Variants in MAP2K2 observed in about 807,000 individuals in gnomAD.
MAP2K2 encodes the protein mitogen-activated protein kinase kinase 2.
Under a neutral mutation model 43.7 loss-of-function variants are expected in MAP2K2, and 24 were observed. The observed-to-expected ratio is 0.55, with a 90% CI of 0.40 to 0.77. The LOEUF is 0.77. MAP2K2 is among the 30% of genes least tolerant of loss of function. The pLI is 0.00. For missense variants in MAP2K2, 470 were observed against 566.8 expected, an observed-to-expected ratio of 0.83 and a Z score of 1.73; for synonymous variants, 244 against 239.7, an observed-to-expected ratio of 1.02 and a Z score of -0.17.
chr19:4,118,242 G>C (rs2041251275), intron 1 of MAP2K2, among the ~76,000 whole-genome samples: 1 of 152,152 alleles, frequency 6.6e-6, no homozygotes, highest in Non-Finnish European at 1.5e-5. Flanking sequence ...GCGGCCGGGA[G>C]ACCTCCTTCC....
intron 3 of MAP2K2, among the ~76,000 whole-genome samples, chr19:4,108,272 G>A (rs895203370): frequency 3.3e-5 from 5 of 152,132 alleles, no homozygotes; most frequent in South Asian, 2.1e-4. Flanking sequence ...ATGGAGTCTC[G>A]CTCTGTGGCC....
At chr19:4,109,699 C>A (rs966269860) in intron 3 of MAP2K2, among the ~76,000 whole-genome samples, 1 of 152,142 alleles carries the variant, frequency 6.6e-6, no homozygotes, top group Non-Finnish European at 1.5e-5. Context: ...TGGTATCGAA[C>A]TCCTGGGCTT....
chr19:4,120,139 G>A (rs1555698965), intron 1 of MAP2K2, among the ~76,000 whole-genome samples: 1 of 152,210 alleles, frequency 6.6e-6, no homozygotes. Context: ...CCTGAGGTCA[G>A]GACAACCCCT....
chr19:4,120,560 A>C (rs2041280231), intron 1 of MAP2K2, among the ~76,000 whole-genome samples: 1 of 152,048 alleles, frequency 6.6e-6, no homozygotes, highest in African/African-American at 2.4e-5. Flanking sequence ...CAAGTAATCC[A>C]CCCACCTTGG....
intron 2 of MAP2K2, among the ~76,000 whole-genome samples, chr19:4,111,050 A>G (rs1385548990): frequency 6.6e-6 from 1 of 152,112 alleles, no homozygotes; most frequent in African/African-American, 2.4e-5. Flanking sequence ...AAGGCCACAT[A>G]ATATGTGATC....
At chr19:4,114,740 G>C (rs1482007895) in intron 2 of MAP2K2, among the ~76,000 whole-genome samples, 1 of 152,096 alleles carries the variant, frequency 6.6e-6, no homozygotes, top group Non-Finnish European at 1.5e-5. Context: ...CTTGAGGTCA[G>C]ATGTTTGAGA....
At chr19:4,102,903 G>T (rs564311843) in intron 3 of MAP2K2, 3 of 1,155,672 alleles carry the variant, frequency 2.6e-6, no homozygotes, top group African/African-American at 3.2e-5. Flanking sequence ...CACACGAAGG[G>T]AAGGGGAGGG....
At chr19:4,099,496 CCGT>C in intron 6 of MAP2K2, 82 bp from the exon 7 acceptor site, 1 of 1,087,986 alleles carries the variant, frequency 9.2e-7, no homozygotes, top group African/African-American at 1.6e-5. Context: ...GTTACAGCCC[CCGT>C]CACCCTCTCC....
At chr19:4,092,503 C>T (rs897132827) in intron 10 of MAP2K2, among the ~76,000 whole-genome samples, 1 of 152,046 alleles carries the variant, frequency 6.6e-6, no homozygotes, top group Non-Finnish European at 1.5e-5. Context: ...GCAGGAGAAC[C>T]GCTTGAACCT....
At chr19:4,117,884 C>A (rs2041245751) in intron 1 of MAP2K2, among the ~76,000 whole-genome samples, 1 of 152,172 alleles carries the variant, frequency 6.6e-6, no homozygotes, top group South Asian at 2.1e-4. Flanking sequence ...GACCTCAGGA[C>A]CTCAAGGATA....
In MAP2K2 at chr19:4,101,605, G is replaced by A. The variant is rs957599773; in HGVS notation, c.529-325C>T. On this transcript the variant is annotated intron_variant, in intron 4 of 10. Coordinates refer to ENST00000262948, the MANE Select transcript of MAP2K2 (RefSeq NM_030662.4). This position sits in a 1 kb window ranked among gnomAD's most constrained non-coding sequence, Gnocchi z 6.3. The stretch of plus-strand genomic sequence containing the variant: ...CCATGGCCCGGGAGTAGGCTGGGCT[G>A]CCGAGTTTGCCCACATCAGCCTGAA... Among the ~76,000 whole-genome samples the A allele has an allele frequency of 6.6e-6, 1 of 152,174 alleles. No homozygotes were observed. Among genetic ancestry groups the A allele is most frequent in the Non-Finnish European group, 1.5e-5 (1 of 68,032 alleles).
chr19:4,118,378 C>G (rs563791043), intron 1 of MAP2K2, among the ~76,000 whole-genome samples: 2 of 152,246 alleles, frequency 1.3e-5, no homozygotes, highest in African/African-American at 2.4e-5. Context: ...AGCCTCAGAG[C>G]ACAGAATGAG....
rs373530124 is a variant in MAP2K2, at chr19:4,117,404, C to A, written c.303+15G>T. On this transcript the variant is annotated intron_variant, in intron 2 of 10. Coordinates refer to ENST00000262948, the MANE Select transcript of MAP2K2 (RefSeq NM_030662.4). Reference sequence around the variant, plus strand: ...CCCCACCACTCCCCGACCTCCCCGACCCCGCAGTGCTCACCTTCCTGGCCA... The same window carrying A: ...CCCCACCACTCCCCGACCTCCCCGAACCCGCAGTGCTCACCTTCCTGGCCA... 8.9e-5 allele frequency: 143 copies of A among 1,611,008 alleles called. No homozygotes were observed. Among genetic ancestry groups the A allele is most frequent in the Middle Eastern group, 2.0e-4 (1 of 4,918 alleles).
At chr19:4,092,107 T>C (rs1364675251) in intron 10 of MAP2K2, among the ~76,000 whole-genome samples, 1 of 152,172 alleles carries the variant, frequency 6.6e-6, no homozygotes, top group African/African-American at 2.4e-5. Flanking sequence ...GTAGAGGCCT[T>C]TGGGGTTCCC....
rs1327576678 is a variant in MAP2K2 at position 4,101,264 on chromosome 19, G to A, written c.545C>T (p.Ala182Val). 1.0e-5 allele frequency: 16 copies of A among 1,582,724 alleles called. No individual in the cohort carries two copies. Among genetic ancestry groups the A allele is most frequent in the African/African-American group, 2.7e-5 (2 of 74,402 alleles). ...GATCTGGTGCTTCTCTCGGAGGTACGCCAAGCCCCGGAGAACCTGCAGGGG... is the reference window on the plus strand; with the variant it reads ...GATCTGGTGCTTCTCTCGGAGGTACACCAAGCCCCGGAGAACCTGCAGGGG... ...KVSIAVLRGL[A>V]YLREKHQIMH... The change falls in exon 5 of 11, where the codon GCG (alanine) becomes GTG (valine). Residue 182 changes from alanine (A) to valine (V), a missense_variant. Ala to Val is a moderately conservative substitution (Grantham distance 64, BLOSUM62 0). This residue lies in a region of MAP2K2 where 200 missense variants were observed against 297.9 expected (regional missense o/e 0.67). Transcript: ENST00000262948. The surrounding 1 kb of genome is among the most constrained non-coding windows in gnomAD (Gnocchi z 6.3).
intron 6 of MAP2K2, 132 bp from the exon 7 acceptor site, chr19:4,099,546 A>G: frequency 1.3e-6 from 1 of 740,742 alleles, no homozygotes; most frequent in East Asian, 2.7e-5. Flanking sequence ...GAGAGCTGTT[A>G]CGCAATTCTA....
intron 2 of MAP2K2, among the ~76,000 whole-genome samples, chr19:4,111,562 C>A (rs1298976506): frequency 6.6e-6 from 1 of 152,132 alleles, no homozygotes; most frequent in Non-Finnish European, 1.5e-5. Context: ...GAGAATTCTC[C>A]CTCTCCTTCA....
intron 7 of MAP2K2, 149 bp downstream of exon 7, chr19:4,099,052 C>A (rs2040960978): frequency 1.5e-6 from 1 of 682,836 alleles, no homozygotes; most frequent in Admixed American, 2.4e-5. Context: ...ACCCCAGGAC[C>A]ATGGGAGGAC....
intron 9 of MAP2K2, 29 bp downstream of exon 9, chr19:4,095,359 A>G (rs2040902484): frequency 1.3e-6 from 2 of 1,548,456 alleles, no homozygotes; most frequent in African/African-American, 1.4e-5. Flanking sequence ...GGTCCCGGCC[A>G]GGGGTGTGGG....
Sources: gnomAD v4.1 joint callset for allele counts (sites outside exome capture counted in the v4.1 genomes callset) on GRCh38, gnomAD v4.1.1 for gene constraint, gnomAD v4.1.1 regional missense constraint, Gnocchi (gnomAD v3.1) non-coding constraint, MANE v1.5 for transcripts, NCBI Gene and HGNC (gene_info 2026-07-23, HGNC 2026-07-21) for gene names.